AEBP2: variants seen among roughly 807,000 people sequenced by gnomAD.
The protein encoded by AEBP2 is AE binding protein 2.
A neutral mutation model predicts 50.8 loss-of-function variants in AEBP2; 10 were observed. The ratio of observed to expected loss-of-function variants is 0.20; its 90% CI spans 0.12 to 0.33. The LOEUF is 0.33. Ranked by LOEUF, AEBP2 falls within the 10% of genes least tolerant of loss-of-function variation. AEBP2 has a pLI of 1.00. For synonymous variants in AEBP2, 296 were observed against 261.3 expected (o/e 1.13, Z -1.28); for missense variants, 570 against 688.0 (o/e 0.83, Z 1.92).
intron 5 of AEBP2, chr12:19,508,826 C>A: frequency 5.3e-6 from 1 of 190,048 alleles, no homozygotes; most frequent in Non-Finnish European, 1.1e-5. Flanking sequence ...AGTATTTTTT[C>A]TTTACTGTTT....
chr12:19,497,352 T>TG (rs1555186668), intron 4 of AEBP2, among the ~76,000 whole-genome samples: 108 of 145,030 alleles, frequency 7.4e-4, no homozygotes, highest in Non-Finnish European at 1.2e-3. Flanking sequence ...TTTTTTTTTT[T>TG]GAGACAGAGT....
At chr12:19,433,916 G>A (rs911686313) in intron 1 of AEBP2, among the ~76,000 whole-genome samples, 1 of 151,768 alleles carries the variant, frequency 6.6e-6, no homozygotes, top group East Asian at 1.9e-4. Context: ...GCGCGATCTC[G>A]GCTCACTGCA....
chr12:19,487,723 A>G (rs1948831808), intron 3 of AEBP2, among the ~76,000 whole-genome samples: 1 of 152,048 alleles, frequency 6.6e-6, no homozygotes, highest in Non-Finnish European at 1.5e-5. Context: ...CTTAAAAAAC[A>G]TAAAGAAAAA....
intron 3 of AEBP2, among the ~76,000 whole-genome samples, chr12:19,483,066 C>T (rs748314358): frequency 6.6e-6 from 1 of 152,168 alleles, no homozygotes; most frequent in Non-Finnish European, 1.5e-5. Context: ...GTTCCTGTTC[C>T]CTCGCCACCT....
At chr12:19,478,908 A>G (rs1384316354) in intron 3 of AEBP2, among the ~76,000 whole-genome samples, 1 of 152,136 alleles carries the variant, frequency 6.6e-6, no homozygotes, top group African/African-American at 2.4e-5. Context: ...ATCTTGGTCT[A>G]TCCATGTCCT....
At chr12:19,511,854 C>T (rs1565738339) in intron 5 of AEBP2, among the ~76,000 whole-genome samples, 2 of 151,642 alleles carry the variant, frequency 1.3e-5, no homozygotes, top group Non-Finnish European at 1.5e-5. Flanking sequence ...CTAAACACTA[C>T]TATAGGTGGT....
intron 3 of AEBP2, among the ~76,000 whole-genome samples, chr12:19,479,552 T>G (rs941277326): frequency 6.8e-6 from 1 of 147,850 alleles, no homozygotes; most frequent in African/African-American, 2.4e-5. Flanking sequence ...TTGCTAGGAT[T>G]ATTATTATTT....
chr12:19,452,590 A>G (rs1315078565), intron 1 of AEBP2, among the ~76,000 whole-genome samples: 2 of 152,152 alleles, frequency 1.3e-5, no homozygotes, highest in Non-Finnish European at 2.9e-5. Flanking sequence ...AGCCTAGACT[A>G]AATATTAGGG....
At chr12:19,459,791 T>C (rs1173702615) in intron 1 of AEBP2, among the ~76,000 whole-genome samples, 2 of 152,178 alleles carry the variant, frequency 1.3e-5, no homozygotes, top group Admixed American at 1.3e-4. Context: ...ATAGATGAGC[T>C]TAAATACTAG....
chr12:19,514,710 G>A lies in AEBP2; in HGVS notation c.1407G>A (p.Gln469=), dbSNP rs773449162. The A allele has an allele frequency of 6.2e-7, 1 of 1,611,390 alleles. No individual in the cohort carries two copies. Among genetic ancestry groups the A allele is most frequent in the Non-Finnish European group, 8.5e-7 (1 of 1,178,852 alleles). Residue 469 remains glutamine (Q), a synonymous_variant, in exon 7 of 8, where the codon CAG becomes CAA. Transcript: ENST00000266508. ...DVWVNESERH[Q]LKTKVVHLSK... is the part of the protein sequence containing the mutation. ...GGGTGAATGAAAGTGAACGACATCA[G>A]TTAAAAACTAAAGTAGTTCATTTAT...
At chr12:19,434,706 C>A (rs534581522), upstream of AEBP2, among the ~76,000 whole-genome samples, 2 of 152,156 alleles carry the variant, frequency 1.3e-5, no homozygotes, top group South Asian at 2.1e-4. Context: ...TTCAACACTT[C>A]AGTTATTTAA....
At chr12:19,516,561 A>G (rs1464266748) in intron 7 of AEBP2, among the ~76,000 whole-genome samples, 3 of 152,208 alleles carry the variant, frequency 2.0e-5, no homozygotes, top group African/African-American at 7.2e-5. Flanking sequence ...AAGTGACTTA[A>G]AACAAAATTT....
intron 5 of AEBP2, among the ~76,000 whole-genome samples, chr12:19,510,632 A>G (rs1414393062): frequency 6.6e-6 from 1 of 152,160 alleles, no homozygotes; most frequent in Non-Finnish European, 1.5e-5. Flanking sequence ...TATAGAGCCA[A>G]AGTCATACTT....
At chr12:19,416,359 T>G (rs1031846944) in intron 1 of AEBP2, among the ~76,000 whole-genome samples, 1 of 152,212 alleles carries the variant, frequency 6.6e-6, no homozygotes, top group African/African-American at 2.4e-5. Flanking sequence ...TTGAGCTTTT[T>G]GCTATTATAA....
chr12:19,423,440 A>G (rs145805823), intron 1 of AEBP2, among the ~76,000 whole-genome samples: 1 of 152,078 alleles, frequency 6.6e-6, no homozygotes, highest in African/African-American at 2.4e-5. Context: ...CAGAGTGAGG[A>G]TTTCCTCAAG....
intron 1 of AEBP2, among the ~76,000 whole-genome samples, chr12:19,431,194 G>C (rs1047744110): frequency 4.6e-5 from 7 of 152,072 alleles, no homozygotes; most frequent in African/African-American, 1.7e-4. Flanking sequence ...AAGAAAGGAG[G>C]GCTGGTTGCT....
rs199838574 is a variant in AEBP2, at chr12:19,514,804, T to G, written c.1481+20T>G. ...ATACAGGTAATTTAATTCTTGCCTT[T>G]ATGTTTTACTTTTTGATTTGTAATT... On this transcript the variant is annotated intron_variant, in intron 7 of 7. Coordinates refer to ENST00000266508, the MANE Select transcript of AEBP2 (RefSeq NM_153207.5). 6,858 of 1,559,156 alleles carry G rather than the reference T, an allele frequency of 4.4e-3. 29 individuals carry two copies. Among genetic ancestry groups the G allele is most frequent in the Non-Finnish European group, 4.8e-3 (5,445 of 1,144,102 alleles).
chr12:19,501,797 G>GTTTTTTGTTTTTTTTTTTTTTT (rs1555187205), intron 5 of AEBP2, among the ~76,000 whole-genome samples: 4 of 70,870 alleles, frequency 5.6e-5, no homozygotes, highest in Non-Finnish European at 8.1e-5. Context: ...AAATGAGTTT[G>GTTTTTTGTTTTTTTTTTTTTTT]TTTTTTTTTT....
At chr12:19,445,348 G>A (rs1201742934) in intron 1 of AEBP2, among the ~76,000 whole-genome samples, 2 of 151,074 alleles carry the variant, frequency 1.3e-5, no homozygotes, top group Non-Finnish European at 2.9e-5. Context: ...ACAGGCGCAT[G>A]CCACCGTGCC....
Sources: allele counts gnomAD v4.1 joint callset (sites outside exome capture counted in the v4.1 genomes callset), GRCh38; gene constraint gnomAD v4.1.1; transcripts MANE v1.5; gene names NCBI Gene and HGNC (gene_info 2026-07-23, HGNC 2026-07-21).